DCDC2C: variants seen among roughly 807,000 people sequenced by gnomAD.
DCDC2C encodes doublecortin domain containing 2C.
In DCDC2C, 44 loss-of-function variants were observed where a neutral mutation model predicts 45.0. The observed-to-expected ratio is 0.98, with a 90% CI of 0.77 to 1.26. DCDC2C has a LOEUF of 1.26. Ranked by LOEUF, DCDC2C falls within the 50% of genes most tolerant of loss-of-function variation. The pLI is 0.00. For missense variants in DCDC2C, 447 were observed against 468.9 expected (o/e 0.95, Z 0.43); for synonymous variants, 187 against 178.8 (o/e 1.05, Z -0.37).
Position 3,836,780 on chromosome 2 carries a change from T to C in DCDC2C, c.1066-10374T>C, listed in dbSNP as rs550481596. On this transcript the variant is annotated intron_variant, in intron 10 of 10. Coordinates refer to ENST00000399143, the MANE Select transcript of DCDC2C (RefSeq NM_001287444.2). ...GGGAGGCTGAGGCAGGAGAATGACGTGAACCCGGGAGGCGGAGCTTGCAGT... is the reference window on the plus strand; with the variant it reads ...GGGAGGCTGAGGCAGGAGAATGACGCGAACCCGGGAGGCGGAGCTTGCAGT... 2.8e-3 allele frequency among the ~76,000 whole-genome samples: 425 copies of C among 149,590 alleles called. 3 individuals carry two copies. Among genetic ancestry groups the C allele is most frequent in the African/African-American group, 0.01 (409 of 40,488 alleles).
At chr2:3,797,841 A>T (rs1352271880) in intron 10 of DCDC2C, among the ~76,000 whole-genome samples, 2 of 149,698 alleles carry the variant, frequency 1.3e-5, no homozygotes, top group African/African-American at 2.4e-5. Context: ...AAAAATGTAT[A>T]TTCTGTTGAT....
At chr2:3,813,786 T>A (rs762248548) in intron 10 of DCDC2C, among the ~76,000 whole-genome samples, 7 of 148,300 alleles carry the variant, frequency 4.7e-5, no homozygotes, top group Admixed American at 2.0e-4. Flanking sequence ...CTCCATCCCT[T>A]TATTTTGAGC....
At chr2:3,830,731 T>C (rs1671928935) in intron 10 of DCDC2C, among the ~76,000 whole-genome samples, 1 of 152,140 alleles carries the variant, frequency 6.6e-6, no homozygotes, top group Admixed American at 6.5e-5. Flanking sequence ...TGACCTTGAC[T>C]CACGGTGGGT....
chr2:3,805,959 T>C (rs574741590), intron 10 of DCDC2C, among the ~76,000 whole-genome samples: 1 of 152,330 alleles, frequency 6.6e-6, no homozygotes, highest in East Asian at 1.9e-4. Context: ...GACTCCCCAG[T>C]AGCTGGTACT....
chr2:3,745,485 TAAAAG>T (rs993706417), intron 4 of DCDC2C, among the ~76,000 whole-genome samples: 5 of 152,136 alleles, frequency 3.3e-5, no homozygotes, highest in African/African-American at 1.2e-4. Flanking sequence ...AGCTTAGAAA[TAAAAG>T]AAATGCTTAG....
chr2:3,754,767 A>G (rs1029846459), intron 6 of DCDC2C, 133 bp downstream of exon 6: 5 of 699,782 alleles, frequency 7.1e-6, no homozygotes, highest in African/African-American at 3.6e-5. Context: ...GGCCAGCATC[A>G]GTGCCAGGCT....
intron 10 of DCDC2C, among the ~76,000 whole-genome samples, chr2:3,842,065 A>G (rs955386148): frequency 1.3e-5 from 2 of 152,236 alleles, no homozygotes; most frequent in Admixed American, 6.5e-5. Flanking sequence ...AAGTGGACGG[A>G]GGCAGCAGGA....
rs1279143462 is a variant in DCDC2C, at chr2:3,778,877, G to T, written c.1016G>T (p.Gly339Val). Residue 339 changes from glycine (G) to valine (V), a missense_variant, in exon 9 of 11, where the codon GGC becomes GTC. Transcript: ENST00000399143. ...EIHENTPDFE[G>V]NKDKEDARLC... is the part of the protein sequence containing the mutation. Reference sequence around the variant, plus strand: ...CATGAGAACACCCCTGATTTTGAGGGCAACAAGGTGAGTTCATTTTATTTT... The same window carrying T: ...CATGAGAACACCCCTGATTTTGAGGTCAACAAGGTGAGTTCATTTTATTTT... 1.3e-5 allele frequency: 20 copies of T among 1,550,826 alleles called. No individual in the cohort carries two copies. The highest frequency in any genetic ancestry group is 1.7e-5 in the Non-Finnish European group (19 of 1,147,038).
chr2:3,780,697 G>A (rs1572612266), intron 9 of DCDC2C, among the ~76,000 whole-genome samples: 1 of 152,154 alleles, frequency 6.6e-6, no homozygotes, highest in Admixed American at 6.5e-5. Context: ...CAGGCACTGC[G>A]CAGCCGTTCC....
Position 3,729,997 on chromosome 2 carries a change from C to A in DCDC2C, c.416+2918C>A, listed in dbSNP as rs148043533. On this transcript the variant is annotated intron_variant, in intron 3 of 10. Transcript: ENST00000399143. ...ACAAGCAGATCTATTCCTTGTAGAACAACCACCACCTGTCATAAGGGGGAC... is the reference window on the plus strand; with the variant it reads ...ACAAGCAGATCTATTCCTTGTAGAAAAACCACCACCTGTCATAAGGGGGAC... Among the ~76,000 whole-genome samples the A allele has an allele frequency of 2.3e-3, 346 of 152,296 alleles. 5 individuals carry two copies. In the East Asian group the frequency reaches 0.031, roughly 14 times the overall value.
chr2:3,765,676 T>C (rs1311636459), intron 6 of DCDC2C, among the ~76,000 whole-genome samples: 1 of 152,230 alleles, frequency 6.6e-6, no homozygotes, highest in Non-Finnish European at 1.5e-5. Flanking sequence ...GTGCCAGGCA[T>C]GGTTCTAGGC....
At chr2:3,712,914 C>A (rs1432264292) in intron 2 of DCDC2C, among the ~76,000 whole-genome samples, 1 of 152,146 alleles carries the variant, frequency 6.6e-6, no homozygotes, top group Non-Finnish European at 1.5e-5. Context: ...GGCTTATGTT[C>A]TCAGCATGTT....
intron 10 of DCDC2C, among the ~76,000 whole-genome samples, chr2:3,826,266 C>T (rs1671813212): frequency 6.6e-6 from 1 of 152,132 alleles, no homozygotes; most frequent in East Asian, 1.9e-4. Flanking sequence ...ATAATAATAT[C>T]ACCAGATACA....
intron 5 of DCDC2C, 51 bp downstream of exon 5, chr2:3,752,951 T>G (rs1669585452): frequency 5.2e-6 from 8 of 1,529,650 alleles, no homozygotes; most frequent in Non-Finnish European, 7.1e-6. Flanking sequence ...AAAATTAGCC[T>G]TTTCCCCAGT....
chr2:3,758,935 G>A (rs1413648007), intron 6 of DCDC2C, among the ~76,000 whole-genome samples: 1 of 152,222 alleles, frequency 6.6e-6, no homozygotes, highest in Non-Finnish European at 1.5e-5. Flanking sequence ...CAACAGAGAA[G>A]CACAGAAGAG....
chr2:3,704,698 A>AGGGGAG (rs1212943119), intron 1 of DCDC2C, among the ~76,000 whole-genome samples: 3 of 7,230 alleles, frequency 4.1e-4, no homozygotes, highest in Non-Finnish European at 2.4e-4. Context: ...GGAGGAGTGT[A>AGGGGAG]GGGGAGGGGG....
chr2:3,844,687 G>A (rs1672285078), intron 10 of DCDC2C: 1 of 152,180 alleles, frequency 6.6e-6, no homozygotes, highest in African/African-American at 2.4e-5. Flanking sequence ...TATTTTGGTG[G>A]CAAGACTTTA....
chr2:3,771,186 G>C (rs903714284), intron 8 of DCDC2C, among the ~76,000 whole-genome samples: 1 of 152,238 alleles, frequency 6.6e-6, no homozygotes, highest in East Asian at 1.9e-4. Context: ...GCGGCTGTCA[G>C]CTGGGATGCT....
At chr2:3,720,994 C>G (rs182724208) in intron 2 of DCDC2C, among the ~76,000 whole-genome samples, 16 of 152,192 alleles carry the variant, frequency 1.1e-4, no homozygotes, top group Non-Finnish European at 1.3e-4. Flanking sequence ...TAGTTTTTGT[C>G]TTTTGATTCG....
Sources: gnomAD v4.1 joint callset for allele counts (sites outside exome capture counted in the v4.1 genomes callset) on GRCh38, gnomAD v4.1.1 for gene constraint, MANE v1.5 for transcripts, NCBI Gene and HGNC (gene_info 2026-07-23, HGNC 2026-07-21) for gene names.